OLFM3: variants seen among roughly 807,000 people sequenced by gnomAD.
OLFM3 encodes the protein noelin-3.
In OLFM3, 20 loss-of-function variants were observed where a neutral mutation model predicts 48.6. That is an observed-to-expected ratio of 0.41 (90% CI 0.29 to 0.60). The LOEUF (loss-of-function observed/expected upper bound fraction) is 0.60, where lower values mean the gene tolerates loss of function less well. OLFM3 is among the 20% of genes least tolerant of loss of function. The pLI, the probability that OLFM3 is intolerant of heterozygous loss-of-function variation, is 0.28. For missense variants in OLFM3, 437 were observed against 544.3 expected, an observed-to-expected ratio of 0.80 and a Z score of 1.96; for synonymous variants, 222 against 198.1, an observed-to-expected ratio of 1.12 and a Z score of -1.01.
chr1:101,831,632 A>G (rs1655155438), intron 2 of OLFM3, among the ~76,000 whole-genome samples: 2 of 152,222 alleles, frequency 1.3e-5, no homozygotes, highest in Non-Finnish European at 2.9e-5. Context: ...GAAATAGAAT[A>G]TGAATGACCC....
intron 1 of OLFM3, among the ~76,000 whole-genome samples, chr1:101,985,818 A>G (rs1270288186): frequency 6.6e-6 from 1 of 152,200 alleles, no homozygotes; most frequent in Non-Finnish European, 1.5e-5. Context: ...GTGTCACTAT[A>G]TGTATACAAT....
chr1:101,915,136 T>C (rs1042873074), intron 1 of OLFM3, among the ~76,000 whole-genome samples: 10 of 152,120 alleles, frequency 6.6e-5, no homozygotes, highest in African/African-American at 2.2e-4. Context: ...CAATACAACA[T>C]TGCAGAAAAA....
At chr1:101,967,107 C>G (rs934163840) in intron 1 of OLFM3, among the ~76,000 whole-genome samples, 1 of 152,072 alleles carries the variant, frequency 6.6e-6, no homozygotes, top group African/African-American at 2.4e-5. Flanking sequence ...ACCTTTTTAT[C>G]TTTTATACTA....
At chr1:101,920,259 T>G (rs1008189548) in intron 1 of OLFM3, among the ~76,000 whole-genome samples, 2 of 152,180 alleles carry the variant, frequency 1.3e-5, no homozygotes. Context: ...CCTGACTCAG[T>G]CTGAGTAAAA....
chr1:101,816,810 T>C (rs984098457), intron 4 of OLFM3, among the ~76,000 whole-genome samples: 1 of 152,160 alleles, frequency 6.6e-6, no homozygotes, highest in Non-Finnish European at 1.5e-5. Context: ...CCATCAGCGT[T>C]ATGTTTATGA....
At chr1:101,844,732 T>A (rs1428754911) in intron 1 of OLFM3, among the ~76,000 whole-genome samples, 5 of 152,228 alleles carry the variant, frequency 3.3e-5, no homozygotes, top group African/African-American at 1.2e-4. Flanking sequence ...TCATTTATTA[T>A]CTGACTTAAG....
At chr1:101,969,097 T>C (rs573896771) in intron 1 of OLFM3, among the ~76,000 whole-genome samples, 2 of 152,300 alleles carry the variant, frequency 1.3e-5, no homozygotes, top group East Asian at 3.9e-4. Flanking sequence ...CTATTTGTCT[T>C]ATTATTTTAC....
At chr1:101,986,611 C>A (rs895418461) in intron 1 of OLFM3, among the ~76,000 whole-genome samples, 15 of 152,116 alleles carry the variant, frequency 9.9e-5, no homozygotes, top group Admixed American at 2.0e-4. Context: ...GAAATAAGAT[C>A]TTTTCCAATA....
chr1:101,812,795 C>CTCTTTTTTGGTTTGGCTTGGTTTGGG, intron 4 of OLFM3: 2 of 989,726 alleles, frequency 2.0e-6, no homozygotes, highest in Non-Finnish European at 2.4e-6. Flanking sequence ...GTAAAGTGGT[C>CTCTTTTTTGGTTTGGCTTGGTTTGGG]TTTTGGCTAG....
At chr1:101,839,484 G>A (rs1235406365) in intron 1 of OLFM3, among the ~76,000 whole-genome samples, 1 of 152,130 alleles carries the variant, frequency 6.6e-6, no homozygotes, top group Non-Finnish European at 1.5e-5. Context: ...AGTTTTAGCT[G>A]GGCATCTCCT....
chr1:101,847,256 C>A (rs1443325626), intron 1 of OLFM3, among the ~76,000 whole-genome samples: 1 of 152,016 alleles, frequency 6.6e-6, no homozygotes, highest in Non-Finnish European at 1.5e-5. Context: ...TGGAGGGAGG[C>A]GGAAACTTGA....
At chr1:101,934,348 C>T (rs1659546698) in intron 1 of OLFM3, among the ~76,000 whole-genome samples, 1 of 151,874 alleles carries the variant, frequency 6.6e-6, no homozygotes, top group Non-Finnish European at 1.5e-5. Context: ...GTCTTTAAAC[C>T]AACAATAATC....
chr1:101,982,878 G>A (rs950854787), intron 1 of OLFM3, among the ~76,000 whole-genome samples: 1 of 150,286 alleles, frequency 6.7e-6, no homozygotes, highest in Non-Finnish European at 1.5e-5. Context: ...TTCTTATAAT[G>A]AGTCTCACTC....
chr1:101,858,894 A>T (rs370041585), intron 1 of OLFM3, among the ~76,000 whole-genome samples: 1 of 152,064 alleles, frequency 6.6e-6, no homozygotes, highest in East Asian at 1.9e-4. Flanking sequence ...GAACAGACTA[A>T]TACAGTCATT....
chr1:101,960,317 C>A (rs1660430122), intron 1 of OLFM3, among the ~76,000 whole-genome samples: 1 of 152,166 alleles, frequency 6.6e-6, no homozygotes, highest in South Asian at 2.1e-4. Context: ...AACTCAGACG[C>A]ATTGTGACTG....
At chr1:101,922,509 G>A (rs1659129575) in intron 1 of OLFM3, among the ~76,000 whole-genome samples, 2 of 152,076 alleles carry the variant, frequency 1.3e-5, no homozygotes, top group African/African-American at 2.4e-5. Context: ...GGCTAATTGA[G>A]GCCCAAGCTG....
At chr1:101,860,708 T>C (rs1656618981) in intron 1 of OLFM3, among the ~76,000 whole-genome samples, 2 of 152,208 alleles carry the variant, frequency 1.3e-5, no homozygotes, top group South Asian at 2.1e-4. Context: ...ACTTCCATCA[T>C]ATTTACAATA....
intron 1 of OLFM3, among the ~76,000 whole-genome samples, chr1:101,910,898 A>C (rs1006592633): frequency 6.6e-6 from 1 of 152,242 alleles, no homozygotes; most frequent in Admixed American, 6.5e-5. Context: ...CATTGGTAAG[A>C]ACTAAGATTC....
At chr1:101,960,075 TA>T (rs1440201600) in intron 1 of OLFM3, among the ~76,000 whole-genome samples, 2 of 152,000 alleles carry the variant, frequency 1.3e-5, no homozygotes, top group African/African-American at 4.8e-5. Context: ...AACTATGTAC[TA>T]AAAATAAAAT....
Sources: gnomAD v4.1 joint callset for allele counts (sites outside exome capture counted in the v4.1 genomes callset) on GRCh38, gnomAD v4.1.1 for gene constraint, MANE v1.5 for transcripts, NCBI Gene and HGNC (gene_info 2026-07-23, HGNC 2026-07-21) for gene names.